The following ZNF525 variants were observed in gnomAD, a reference collection of about 807,000 sequenced individuals.
The protein encoded by ZNF525 is zinc finger protein 525.
A neutral mutation model predicts 37.6 loss-of-function variants in ZNF525; 33 were observed. The ratio of observed to expected loss-of-function variants is 0.88; its 90% confidence interval spans 0.67 to 1.17. The LOEUF is 1.17. ZNF525 is among the 50% of genes most tolerant of loss of function. The probability of loss-of-function intolerance (pLI) is 0.00; values close to 1 mark genes in which losing one functional copy is unlikely to be tolerated. For synonymous variants in ZNF525, 170 were observed against 182.3 expected, an observed-to-expected ratio of 0.93 and a Z score of 0.54; for missense variants, 449 against 543.1, an observed-to-expected ratio of 0.83 and a Z score of 1.72.
rs998153573 is a variant in ZNF525, at chr19:53,386,223, G to C, written c.*4204G>C. 2 of 642,722 alleles carry C rather than the reference G, an allele frequency of 3.1e-6. No homozygotes were observed. The highest frequency in any genetic ancestry group is 3.7e-5 in the African/African-American group (2 of 54,764). 39.8% of individuals were successfully genotyped at this position (642,722 alleles called of 1,614,324 possible). A position where few individuals can be genotyped will look rare whatever the true frequency, so the allele number is the denominator to read the frequency against. On this transcript the variant is annotated 3_prime_UTR_variant, in exon 4 of 4. Transcript: ENST00000474037. ...GCCATCGTGGTGTGTGCTTGACTCTGCTTCTTGCCACATCTTCTCAGAAGA... is the reference window on the plus strand; with the variant it reads ...GCCATCGTGGTGTGTGCTTGACTCTCCTTCTTGCCACATCTTCTCAGAAGA...
At position 53,380,905 on chromosome 19, in the gene ZNF525, A is replaced by T. The variant is rs1403500061; in HGVS notation, c.326A>T (p.His109Leu). 2 of 1,490,786 alleles carry T rather than the reference A, an allele frequency of 1.3e-6. No homozygotes were observed. Among genetic ancestry groups the T allele is most frequent in the South Asian group, 1.1e-5 (1 of 88,502 alleles). The allele number at this position is 1,490,786 out of a possible 1,614,324, so 92.3% of individuals were successfully genotyped here. ...TGGCAAGAAGATGAAAGAAATGGCC[A>T]TGAAGCACCCATGACAAAAATCAAA... is the stretch of plus-strand genomic sequence containing the variant. ...FQWQEDERNG[H>L]EAPMTKIKKL... The change falls in exon 4 of 4, where the codon CAT becomes CTT. Residue 109 changes from histidine to leucine, a missense_variant. Coordinates refer to ENST00000474037, the MANE Select transcript of ZNF525 (RefSeq NM_001348156.2).
At position 53,384,057 on chromosome 19, in the gene ZNF525, G is replaced by T; in HGVS notation, c.*2038G>T. On this transcript the variant is annotated 3_prime_UTR_variant, in exon 4 of 4. Transcript: ENST00000474037. ...GAATATCAGAAAATTCATTTTTCAG[G>T]TAATTGTTCCCAATGCAATGAATAT... 1.9e-6 allele frequency: 1 copy of T among 534,640 alleles called. No homozygotes were observed. The highest frequency in any genetic ancestry group is 5.3e-5 in the East Asian group (1 of 18,924). 33.1% of individuals were successfully genotyped at this position (534,640 alleles called of 1,614,324 possible). A position where few individuals can be genotyped will look rare whatever the true frequency, so the allele number is the denominator to read the frequency against.
intron 2 of ZNF525, 95 bp downstream of exon 2, chr19:53,372,391 T>A: frequency 1.4e-6 from 1 of 737,762 alleles, no homozygotes; most frequent in Non-Finnish European, 2.5e-6. Context: ...GCTTCCTGCC[T>A]GACAGGTTTG....
At chr19:53,378,539 A>G (rs35576253) in intron 3 of ZNF525, among the ~76,000 whole-genome samples, 63,591 of 151,996 alleles carry the variant, frequency 0.42, 15,374 homozygotes, top group Admixed American at 0.54. Flanking sequence ...CTCAAAAACA[A>G]ACAAAAAAAG....
intron 3 of ZNF525, chr19:53,376,462 T>C: frequency 1.7e-6 from 1 of 591,052 alleles, no homozygotes; most frequent in South Asian, 2.1e-5. Context: ...TTGTTGTTAT[T>C]TTGTTCTTAT....
chr19:53,383,050 T>C lies in ZNF525; in HGVS notation c.*1031T>C, dbSNP rs2085578901. On this transcript the variant is annotated 3_prime_UTR_variant, in exon 4 of 4. Coordinates refer to ENST00000474037, the MANE Select transcript of ZNF525 (RefSeq NM_001348156.2). The stretch of plus-strand genomic sequence containing the variant: ...AGCTTGCATGTCATCATAGACTTCA[T>C]ACTGGAGAGAACGCTTGCAAGTGTA... 1.2e-5 allele frequency: 18 copies of C among 1,446,966 alleles called. No homozygotes were observed. Among genetic ancestry groups the C allele is most frequent in the Non-Finnish European group, 1.5e-5 (16 of 1,038,260 alleles). 89.6% of individuals were successfully genotyped at this position (1,446,966 alleles called of 1,614,324 possible).
Position 53,386,563 on chromosome 19 carries a change from A to G in ZNF525, c.*4544A>G, listed in dbSNP as rs2085609265. ...ATTGGTTGGCTGTGTTCAGTAATAA[A>G]CGTGAGACTTTTCATTTCAAAACAA... On this transcript the variant is annotated 3_prime_UTR_variant, in exon 4 of 4. Transcript: ENST00000474037. 1 of 435,572 alleles carries G rather than the reference A, an allele frequency of 2.3e-6. No individual in the cohort carries two copies. The highest frequency in any genetic ancestry group is 2.4e-5 in the South Asian group (1 of 42,268). 27.0% of individuals were successfully genotyped at this position (435,572 alleles called of 1,614,324 possible).
intron 2 of ZNF525, chr19:53,372,541 C>G: frequency 2.0e-6 from 2 of 1,021,644 alleles, no homozygotes; most frequent in East Asian, 5.2e-5. Flanking sequence ...TGGATGGAGA[C>G]GGGGTGAGGG....
In ZNF525 at chr19:53,382,332, G is replaced by C. The variant is rs1169206419; in HGVS notation, c.*313G>C. On this transcript the variant is annotated 3_prime_UTR_variant, in exon 4 of 4. Coordinates refer to ENST00000474037, the MANE Select transcript of ZNF525 (RefSeq NM_001348156.2). ...GAAACCTTACAAATGTGAAGAATGT[G>C]ATGAAACTTTCAGATACAAATCAAA... 13 of 1,322,040 alleles carry C rather than the reference G, an allele frequency of 9.8e-6. No individual in the cohort carries two copies. The highest frequency in any genetic ancestry group is 3.3e-6 in the Non-Finnish European group (3 of 916,468). The allele number at this position is 1,322,040 out of a possible 1,614,324, so 81.9% of individuals were successfully genotyped here. A position where few individuals can be genotyped will look rare whatever the true frequency, so the allele number is the denominator to read the frequency against.
chr19:53,369,248 CT>C lies in ZNF525; in HGVS notation c.-67-2956del, dbSNP rs200312113. On this transcript the variant is annotated intron_variant, in intron 1 of 3. Coordinates refer to ENST00000474037, the MANE Select transcript of ZNF525 (RefSeq NM_001348156.2). The stretch of plus-strand genomic sequence containing the variant: ...TGAGTAGATTGTCTATGTACAAGTT[CT>C]TTTTTTTTTTGAGCTGGAGTTTTGC... 1.3e-3 allele frequency among the ~76,000 whole-genome samples: 191 copies of C among 147,308 alleles called. 1 individual carries two copies. Among genetic ancestry groups the C allele is most frequent in the African/African-American group, 2.9e-3 (119 of 40,350 alleles).
At chr19:53,376,988 A>G (rs941427681) in intron 3 of ZNF525, among the ~76,000 whole-genome samples, 1 of 152,186 alleles carries the variant, frequency 6.6e-6, no homozygotes, top group African/African-American at 2.4e-5. Context: ...AAGATTCCAC[A>G]ACCTGCAAAA....
At chr19:53,367,635 G>A (rs1213933098) in intron 1 of ZNF525, among the ~76,000 whole-genome samples, 4 of 152,170 alleles carry the variant, frequency 2.6e-5, no homozygotes, top group East Asian at 3.8e-4. Flanking sequence ...AGAGGGACTC[G>A]GGAGTCTACT....
intron 1 of ZNF525, among the ~76,000 whole-genome samples, chr19:53,368,175 C>T (rs1412051453): frequency 2.6e-5 from 4 of 152,124 alleles, no homozygotes; most frequent in African/African-American, 7.2e-5. Context: ...TGGCAACTGT[C>T]AGTAGGCCTG....
At chr19:53,376,960 C>T (rs2085526972) in intron 3 of ZNF525, among the ~76,000 whole-genome samples, 1 of 152,120 alleles carries the variant, frequency 6.6e-6, no homozygotes, top group South Asian at 2.1e-4. Flanking sequence ...CACAGTGAGA[C>T]TCTGTCTCAA....
chr19:53,384,385 A>T lies in ZNF525; in HGVS notation c.*2366A>T, dbSNP rs2147076725. Reference sequence around the variant, plus strand: ...TTTATGGGTATCGTATTGAATCTAGATTACATTGGGTTATATAATCATTTA... The same window carrying T: ...TTTATGGGTATCGTATTGAATCTAGTTTACATTGGGTTATATAATCATTTA... On this transcript the variant is annotated 3_prime_UTR_variant, in exon 4 of 4. Coordinates refer to ENST00000474037, the MANE Select transcript of ZNF525 (RefSeq NM_001348156.2). 1 of 165,824 alleles carries T rather than the reference A, an allele frequency of 6.0e-6. No homozygotes were observed. The highest frequency in any genetic ancestry group is 2.4e-5 in the African/African-American group (1 of 41,638). The allele number at this position is 165,824 out of a possible 1,614,324, so 10.3% of individuals were successfully genotyped here. A position where few individuals can be genotyped will look rare whatever the true frequency, so the allele number is the denominator to read the frequency against.
rs188242413 is a variant in ZNF525, at chr19:53,377,452, A to C, written c.142+1556A>C. 5.4e-3 allele frequency among the ~76,000 whole-genome samples: 827 copies of C among 151,838 alleles called. 6 individuals carry two copies. The highest frequency in any genetic ancestry group is 0.019 in the African/African-American group (804 of 41,322). On this transcript the variant is annotated intron_variant, in intron 3 of 3. Coordinates refer to ENST00000474037, the MANE Select transcript of ZNF525 (RefSeq NM_001348156.2). ...CGGCCTCCTAATCTGCTGGAATTAC[A>C]GGTTTGAAAAACTGCGCCCGGCCTA...
rs530012308 is a variant in ZNF525, at chr19:53,383,514, G to A, written c.*1495G>A. The A allele has an allele frequency of 1.2e-5, 14 of 1,196,124 alleles. No individual in the cohort carries two copies. The highest frequency in any genetic ancestry group is 7.7e-5 in the African/African-American group (5 of 65,248). The allele number at this position is 1,196,124 out of a possible 1,614,324, so 74.1% of individuals were successfully genotyped here. A position where few individuals can be genotyped will look rare whatever the true frequency, so the allele number is the denominator to read the frequency against. Reference sequence around the variant, plus strand: ...AGAGTTTTTGACAAGGCTTTCGGACGTGATTCACACCTGGCACAACATCCC... The same window carrying A: ...AGAGTTTTTGACAAGGCTTTCGGACATGATTCACACCTGGCACAACATCCC... On this transcript the variant is annotated 3_prime_UTR_variant, in exon 4 of 4. Coordinates refer to ENST00000474037, the MANE Select transcript of ZNF525 (RefSeq NM_001348156.2).
chr19:53,379,822 T>C (rs1188074137), intron 3 of ZNF525, among the ~76,000 whole-genome samples: 3 of 152,106 alleles, frequency 2.0e-5, no homozygotes, highest in African/African-American at 7.2e-5. Context: ...GCCAATATGA[T>C]GTAACCCTAT....
rs1600032367 is a variant in ZNF525 at position 53,385,179 on chromosome 19, G to A, written c.*3160G>A. ...CTTGAATACAGTTTTCTAGGACAAGGGATCTTCAAGAAGTTCTGGAAAAAT... is the reference window on the plus strand; with the variant it reads ...CTTGAATACAGTTTTCTAGGACAAGAGATCTTCAAGAAGTTCTGGAAAAAT... On this transcript the variant is annotated 3_prime_UTR_variant, in exon 4 of 4. Transcript: ENST00000474037. 4.1e-6 allele frequency: 2 copies of A among 493,384 alleles called. No homozygotes were observed. The highest frequency in any genetic ancestry group is 7.1e-6 in the Non-Finnish European group (2 of 281,150). The allele number at this position is 493,384 out of a possible 1,614,324, so 30.6% of individuals were successfully genotyped here.
Sources: allele counts gnomAD v4.1 joint callset (sites outside exome capture counted in the v4.1 genomes callset), GRCh38; gene constraint gnomAD v4.1.1; transcripts MANE v1.5; gene names NCBI Gene and HGNC (gene_info 2026-07-23, HGNC 2026-07-21).